HMCN1: variants seen among roughly 807,000 people sequenced by gnomAD.
HMCN1 encodes the protein hemicentin-1.
HMCN1 carries 321 observed loss-of-function variants against 625.9 expected under a neutral mutation model. That is an observed-to-expected ratio of 0.51 (90% CI 0.47 to 0.56). HMCN1 has a LOEUF of 0.56. Among genes scored for constraint, HMCN1 ranks in the 20% least tolerant of loss-of-function variants. HMCN1 has a pLI of 0.00. For missense variants in HMCN1, 6,588 were observed against 6,887.3 expected (o/e 0.96, Z 1.54); for synonymous variants, 2,425 against 2,417.6 (o/e 1.00, Z -0.09).
intron 12 of HMCN1, among the ~76,000 whole-genome samples, chr1:185,963,375 C>G (rs537773536): frequency 6.6e-6 from 1 of 152,080 alleles, no homozygotes; most frequent in Non-Finnish European, 1.5e-5. Flanking sequence ...TTTACTATAG[C>G]AATCCACCAC....
At position 186,014,497 on chromosome 1, in the gene HMCN1, A is replaced by C. The variant is rs1337027939; in HGVS notation, c.4631-662A>C. On this transcript the variant is annotated intron_variant, in intron 30 of 106. Transcript: ENST00000271588. ...GCAATGATAGCATGATCCTGGAATG[A>C]CCATATTTAGAATTTGCAGGAGAGA... is the stretch of plus-strand genomic sequence containing the variant. Among the ~76,000 whole-genome samples, 2 of 151,968 alleles carry C rather than the reference A, an allele frequency of 1.3e-5. 1 individual carries two copies. The highest frequency in any genetic ancestry group is 1.3e-4 in the Admixed American group (2 of 15,214).
intron 22 of HMCN1, among the ~76,000 whole-genome samples, chr1:185,990,911 C>G (rs989633661): frequency 2.0e-5 from 3 of 152,168 alleles, no homozygotes; most frequent in Non-Finnish European, 4.4e-5. Context: ...AGTGACATAA[C>G]AAGAAGAATG....
At chr1:186,071,790 CT>C (rs1658494926) in intron 52 of HMCN1, among the ~76,000 whole-genome samples, 1 of 152,162 alleles carries the variant, frequency 6.6e-6, no homozygotes, top group Non-Finnish European at 1.5e-5. Context: ...AGTTTCTTTT[CT>C]GACTACAAGC....
chr1:186,104,020 A>G (rs1028540758), intron 69 of HMCN1, among the ~76,000 whole-genome samples: 4 of 152,200 alleles, frequency 2.6e-5, no homozygotes, highest in Non-Finnish European at 5.9e-5. Flanking sequence ...GGTTTCAAAG[A>G]GCACTTTTGA....
chr1:186,117,210 T>A (rs939483567), intron 76 of HMCN1, 95 bp downstream of exon 76: 39 of 1,483,904 alleles, frequency 2.6e-5, no homozygotes, highest in South Asian at 1.4e-4. Flanking sequence ...TTTTTTTTTT[T>A]AAACATTTAT....
intron 37 of HMCN1, 57 bp from the exon 38 acceptor site, chr1:186,038,772 A>G (rs1018258833): frequency 1.1e-6 from 1 of 938,420 alleles, no homozygotes; most frequent in African/African-American, 1.6e-5. Context: ...GATCCAACTT[A>G]GTATATTTAA....
intron 1 of HMCN1, among the ~76,000 whole-genome samples, chr1:185,744,300 A>G (rs1654235119): frequency 6.6e-6 from 1 of 151,874 alleles, no homozygotes; most frequent in African/African-American, 2.4e-5. Context: ...GCCTGACTTG[A>G]CTGTTAATCA....
chr1:186,086,899 A>G (rs1034844805), intron 58 of HMCN1, among the ~76,000 whole-genome samples: 3 of 152,064 alleles, frequency 2.0e-5, no homozygotes, highest in Admixed American at 1.3e-4. Flanking sequence ...GGAAATTTAA[A>G]CCCAGAAAAC....
intron 66 of HMCN1, 52 bp from the exon 67 acceptor site, chr1:186,094,224 G>A (rs917757591): frequency 2.3e-6 from 3 of 1,284,132 alleles, no homozygotes; most frequent in Non-Finnish European, 2.3e-6. Flanking sequence ...TATTTTATGT[G>A]TACTTGTTGT....
intron 41 of HMCN1, among the ~76,000 whole-genome samples, chr1:186,047,218 T>G (rs1656634157): frequency 6.6e-6 from 1 of 151,848 alleles, no homozygotes; most frequent in Admixed American, 6.6e-5. Context: ...AAGACCAGAA[T>G]CACTGCTGAA....
intron 105 of HMCN1, among the ~76,000 whole-genome samples, chr1:186,187,645 C>T (rs1653422670): frequency 6.6e-6 from 1 of 152,128 alleles, no homozygotes; most frequent in South Asian, 2.1e-4. Context: ...TTTTATAGCT[C>T]TCATTTTTTT....
In HMCN1 at chr1:186,117,103, C is replaced by G. The variant is rs1661170132; in HGVS notation, c.11671C>G (p.Leu3891Val). 1 of 1,613,216 alleles carries G rather than the reference C, an allele frequency of 6.2e-7. No homozygotes were observed. The highest frequency in any genetic ancestry group is 1.3e-5 in the African/African-American group (1 of 74,874). ...TGGAGATGATAAAAGAACTGTGGAT[C>G]TCACTGTCCAAGGTAGAATTGGCTT... Reference protein sequence around the residue: ...GAGDDKRTVDLTVQVPPSIAD... With the variant: ...GAGDDKRTVDVTVQVPPSIAD... The change falls in exon 76 of 107, where the codon CTC becomes GTC. Residue 3891 changes from leucine (L) to valine (V), a missense_variant. Physicochemically the swap from Leu to Val is conservative, Grantham distance 32 (BLOSUM62 1). This residue lies in a region of HMCN1 where 4,628 missense variants were observed against 4,853.1 expected (regional missense o/e 0.95). Coordinates refer to ENST00000271588, the MANE Select transcript of HMCN1 (RefSeq NM_031935.3).
Position 185,977,885 on chromosome 1 carries a change from A to G in HMCN1, c.2470A>G (p.Ile824Val), listed in dbSNP as rs748432210. The G allele has an allele frequency of 6.2e-7, 1 of 1,613,436 alleles. No homozygotes were observed. The highest frequency in any genetic ancestry group is 1.7e-5 in the Admixed American group (1 of 59,976). The change falls in exon 16 of 107, where the codon ATC (isoleucine) becomes GTC (valine). Residue 824 changes from isoleucine (I) to valine (V), a missense_variant. Ile to Val is a conservative substitution (Grantham distance 29). Coordinates refer to ENST00000271588, the MANE Select transcript of HMCN1 (RefSeq NM_031935.3). Reference protein sequence around the residue: ...CYVQGYPEPTIKWRRLDNMPI... With the variant: ...CYVQGYPEPTVKWRRLDNMPI... ...TGTTCAGGGTTATCCAGAACCAACA[A>G]TCAAATGGCGAAGATTAGACAACAT...
At chr1:186,102,091 T>G (rs375667173) in intron 68 of HMCN1, among the ~76,000 whole-genome samples, 1 of 152,214 alleles carries the variant, frequency 6.6e-6, no homozygotes, top group East Asian at 1.9e-4. Context: ...CAAAGATAGA[T>G]CTAGACCATA....
intron 1 of HMCN1, among the ~76,000 whole-genome samples, chr1:185,803,005 A>C (rs1335338474): frequency 6.6e-6 from 1 of 151,992 alleles, no homozygotes; most frequent in Non-Finnish European, 1.5e-5. Context: ...CTTTCCAGAA[A>C]AATAAAGCTC....
At position 185,982,499 on chromosome 1, in the gene HMCN1, G is replaced by T. The variant is rs1273169274; in HGVS notation, c.2790+110G>T. 5 of 1,044,880 alleles carry T rather than the reference G, an allele frequency of 4.8e-6. No homozygotes were observed. The Admixed American group carries it at 6.3e-5, about 13-fold the overall frequency. 64.7% of individuals were successfully genotyped at this position (1,044,880 alleles called of 1,614,324 possible). On this transcript the variant is annotated intron_variant, in intron 18 of 106. Transcript: ENST00000271588. ...TCTGTCACCTAGGCTGGAGTGCAGTGGTGGGATCTAGGCTCACCGCAACCT... is the reference window on the plus strand; with the variant it reads ...TCTGTCACCTAGGCTGGAGTGCAGTTGTGGGATCTAGGCTCACCGCAACCT...
rs1571630233 is a variant in HMCN1, at chr1:185,965,725, G to C, written c.2099-77G>C. 4.7e-6 allele frequency: 4 copies of C among 858,344 alleles called. No homozygotes were observed. The East Asian group carries it at 9.7e-5, about 21-fold the overall frequency. The allele number at this position is 858,344 out of a possible 1,614,324, so 53.2% of individuals were successfully genotyped here. ...CACAAGCACATAAATTTTTAAATTG[G>C]TTCATTTAGTAAACATAAACAAAAT... On this transcript the variant is annotated intron_variant, in intron 13 of 106. Coordinates refer to ENST00000271588, the MANE Select transcript of HMCN1 (RefSeq NM_031935.3).
chr1:186,100,991 C>T (rs1660357754), intron 68 of HMCN1, among the ~76,000 whole-genome samples: 1 of 152,064 alleles, frequency 6.6e-6, no homozygotes, highest in South Asian at 2.1e-4. Flanking sequence ...AAACCACATC[C>T]ACCTACATCT....
chr1:186,000,133 A>G lies in HMCN1; in HGVS notation c.3963A>G (p.Thr1321=), dbSNP rs1340163875. Residue 1321 remains threonine (T), a synonymous_variant, in exon 26 of 107, where the codon ACA becomes ACG. Coordinates refer to ENST00000271588, the MANE Select transcript of HMCN1 (RefSeq NM_031935.3). ...GCATTTCTATCTTGGAAGATGGCAC[A>G]TTGCTGGTTATTGCTTCTGTTACAC... ...EPGISILEDG[T]LLVIASVTPY... is the part of the protein sequence containing the mutation. 2 of 1,613,064 alleles carry G rather than the reference A, an allele frequency of 1.2e-6. No individual in the cohort carries two copies. The highest frequency in any genetic ancestry group is 1.7e-4 in the Middle Eastern group (1 of 6,056).
Sources: allele counts gnomAD v4.1 joint callset (sites outside exome capture counted in the v4.1 genomes callset), GRCh38; gene constraint gnomAD v4.1.1; regional missense constraint gnomAD v4.1.1; transcripts MANE v1.5; gene names NCBI Gene and HGNC (gene_info 2026-07-23, HGNC 2026-07-21).